WLS: variants seen among roughly 807,000 people sequenced by gnomAD.
The protein encoded by WLS is protein wntless homolog.
A neutral mutation model predicts 62.8 loss-of-function variants in WLS; 23 were observed. The ratio of observed to expected loss-of-function variants is 0.37; its 90% CI spans 0.26 to 0.52. WLS has a LOEUF of 0.52. Ranked by LOEUF, WLS falls within the 20% of genes least tolerant of loss-of-function variation. The pLI, the probability that WLS is intolerant of heterozygous loss-of-function variation, is 0.92. For synonymous variants in WLS, 246 were observed against 244.1 expected (o/e 1.01, Z -0.07); for missense variants, 615 against 697.3 (o/e 0.88, Z 1.33).
At chr1:68,117,437 T>C (rs1646306961) in intron 11 of WLS, 1 of 152,330 alleles carries the variant, frequency 6.6e-6, no homozygotes, top group East Asian at 1.9e-4. Flanking sequence ...ACACATGTTC[T>C]CTTTTGCCAA....
chr1:68,190,884 C>A (rs1648256175), intron 2 of WLS, among the ~76,000 whole-genome samples: 1 of 151,960 alleles, frequency 6.6e-6, no homozygotes, highest in African/African-American at 2.4e-5. Context: ...ATGGAGAAAC[C>A]CCGTCTCTAC....
intron 11 of WLS, chr1:68,127,103 G>A (rs1406347010): frequency 2.2e-5 from 9 of 405,924 alleles, no homozygotes; most frequent in African/African-American, 4.3e-5. Context: ...GCTGAGGCAG[G>A]AGGATCACTG....
intron 1 of WLS, among the ~76,000 whole-genome samples, chr1:68,199,783 A>G (rs528639689): frequency 1.4e-4 from 22 of 152,286 alleles, no homozygotes; most frequent in Non-Finnish European, 2.4e-4. Flanking sequence ...TCCTTTTATG[A>G]CACCTATCTC....
intron 11 of WLS, among the ~76,000 whole-genome samples, chr1:68,106,724 G>GTGTA (rs200251742): frequency 3.4e-3 from 226 of 65,720 alleles, no homozygotes; most frequent in Middle Eastern, 0.011. Context: ...CACTGTGTGT[G>GTGTA]TGTGTGTGTG....
At chr1:68,101,592 C>A (rs561551470) in intron 11 of WLS, among the ~76,000 whole-genome samples, 125 of 152,346 alleles carry the variant, frequency 8.2e-4, no homozygotes, top group African/African-American at 2.8e-3. Flanking sequence ...TCTTCTCTCT[C>A]TGACCCTTAA....
intron 11 of WLS, among the ~76,000 whole-genome samples, chr1:68,131,307 G>GGGC (rs373670455): frequency 5.4e-4 from 82 of 152,104 alleles, no homozygotes; most frequent in African/African-American, 1.9e-3. Context: ...GTGCAGGCAA[G>GGGC]GGCAGTTCCT....
At chr1:68,122,653 G>T (rs1167534046), downstream of WLS, among the ~76,000 whole-genome samples, 1 of 152,100 alleles carries the variant, frequency 6.6e-6, no homozygotes, top group Non-Finnish European at 1.5e-5. Flanking sequence ...TTATGACAAT[G>T]TATAAAACTG....
chr1:68,188,591 T>C (rs1570979301), intron 2 of WLS, among the ~76,000 whole-genome samples: 2 of 152,144 alleles, frequency 1.3e-5, no homozygotes, highest in Admixed American at 1.3e-4. Flanking sequence ...CGGGAGATAA[T>C]ATAGAAAATA....
intron 4 of WLS, 54 bp downstream of exon 4, chr1:68,155,045 G>C: frequency 6.4e-7 from 1 of 1,571,658 alleles, no homozygotes; most frequent in Non-Finnish European, 8.7e-7. Flanking sequence ...GGTGCCAAGA[G>C]TGAGATGGAG....
In WLS at chr1:68,098,599, G is replaced by C. The variant is rs760145246; in HGVS notation, c.*33C>G. 3.1e-6 allele frequency: 5 copies of C among 1,610,398 alleles called. No homozygotes were observed. The Admixed American group carries it at 8.3e-5, about 27-fold the overall frequency. On this transcript the variant is annotated 3_prime_UTR_variant, in exon 12 of 12. Coordinates refer to the WLS transcript ENST00000354777. Reference sequence around the variant, plus strand: ...CAATGTGACTGTGACAACTGCAAATGCAAAGCTGATAAACATGTGTTGCCT... The same window carrying C: ...CAATGTGACTGTGACAACTGCAAATCCAAAGCTGATAAACATGTGTTGCCT...
At chr1:68,127,093 G>A in intron 11 of WLS, 1 of 404,362 alleles carries the variant, frequency 2.5e-6, no homozygotes, top group South Asian at 1.7e-5. Flanking sequence ...TACTCAGGAG[G>A]CTGAGGCAGG....
intron 1 of WLS, among the ~76,000 whole-genome samples, chr1:68,201,276 A>T (rs570769465): frequency 6.6e-6 from 1 of 152,312 alleles, no homozygotes; most frequent in Non-Finnish European, 1.5e-5. Context: ...CATACCACTT[A>T]TCTAAGTTTT....
At chr1:68,227,714 T>A (rs565581508) in intron 1 of WLS, among the ~76,000 whole-genome samples, 18 of 152,002 alleles carry the variant, frequency 1.2e-4, no homozygotes, top group Non-Finnish European at 1.9e-4. Flanking sequence ...TACAGAAAAA[T>A]ATGACTTAAC....
intron 10 of WLS, among the ~76,000 whole-genome samples, chr1:68,144,294 A>C (rs1646724538): frequency 6.6e-6 from 1 of 152,248 alleles, no homozygotes; most frequent in South Asian, 2.1e-4. Flanking sequence ...CGGCTTGATA[A>C]GTTTTTCTCA....
At chr1:68,144,413 C>T (rs1306182484) in intron 10 of WLS, among the ~76,000 whole-genome samples, 156 bp downstream of exon 10, 1 of 152,132 alleles carries the variant, frequency 6.6e-6, no homozygotes, top group Non-Finnish European at 1.5e-5. Flanking sequence ...GTCCATTTGG[C>T]CAGGTGATAT....
At position 68,118,875 on chromosome 1, in the gene WLS, C is replaced by CAAAAAAAAAAAAAAAAA. The variant is rs33982774; in HGVS notation, c.1510+18888_1510+18904dup. 1.7e-3 allele frequency among the ~76,000 whole-genome samples: 44 copies of CAAAAAAAAAAAAAAAAA among 26,388 alleles called. 10 individuals are homozygous for CAAAAAAAAAAAAAAAAA. The highest frequency in any genetic ancestry group is 2.7e-3 in the South Asian group (1 of 374). 17.3% of individuals were successfully genotyped at this position (26,388 alleles called of 152,430 possible). A position where few individuals can be genotyped will look rare whatever the true frequency, so the allele number is the denominator to read the frequency against. ...CTGGGTGACGAGCAAGACTCTGTCT[C>CAAAAAAAAAAAAAAAAA]AAAAAAAAAAAAAAAAAAAAAAAAA... On this transcript the variant is annotated intron_variant, in intron 11 of 11. Transcript: ENST00000354777.
chr1:68,230,582 T>TGTGC (rs1553139183), intron 1 of WLS, among the ~76,000 whole-genome samples: 7 of 142,398 alleles, frequency 4.9e-5, no homozygotes, highest in Admixed American at 4.5e-4. Context: ...TGTGTGTGTG[T>TGTGC]GCGCGCGTGT....
chr1:68,132,198 G>T (rs576195118), intron 11 of WLS, among the ~76,000 whole-genome samples: 1 of 152,284 alleles, frequency 6.6e-6, no homozygotes, highest in South Asian at 2.1e-4. Flanking sequence ...AGAGGCAGGG[G>T]GCAGAAGACA....
chr1:68,206,449 T>G (rs1274896825), intron 1 of WLS, among the ~76,000 whole-genome samples: 2 of 152,226 alleles, frequency 1.3e-5, no homozygotes, highest in African/African-American at 4.8e-5. Context: ...TGAGTGGAGG[T>G]GCTCCTCAGT....
Sources: gnomAD v4.1 joint callset for allele counts (sites outside exome capture counted in the v4.1 genomes callset) on GRCh38, gnomAD v4.1.1 for gene constraint, MANE v1.5 for transcripts, NCBI Gene and HGNC (gene_info 2026-07-23, HGNC 2026-07-21) for gene names.